Variants in PRKCA observed in about 807,000 individuals in gnomAD.
PRKCA encodes the protein protein kinase C alpha type.
Under a neutral mutation model 87.0 loss-of-function variants are expected in PRKCA, and 27 were observed. The ratio of observed to expected loss-of-function variants is 0.31; its 90% confidence interval spans 0.23 to 0.43. The LOEUF is 0.43. PRKCA is among the 20% of genes least tolerant of loss of function. PRKCA has a pLI of 1.00. For synonymous variants in PRKCA, 329 were observed against 311.1 expected, an observed-to-expected ratio of 1.06 and a Z score of -0.61; for missense variants, 518 against 852.3, an observed-to-expected ratio of 0.61 and a Z score of 4.88.
chr17:66,455,228 C>T (rs912942066), intron 2 of PRKCA, among the ~76,000 whole-genome samples: 2 of 152,124 alleles, frequency 1.3e-5, no homozygotes, highest in African/African-American at 4.8e-5. Flanking sequence ...AATACATGAC[C>T]GAATTTGGAG....
Position 66,803,844 on chromosome 17 carries a change from C to G in PRKCA, c.1855-29C>G, listed in dbSNP as rs547835081. On this transcript the variant is annotated intron_variant, in intron 16 of 16. Coordinates refer to ENST00000413366, the MANE Select transcript of PRKCA (RefSeq NM_002737.3). The surrounding 1 kb of genome is among the most constrained non-coding windows in gnomAD (Gnocchi z 4.4). ...CTCCCGCATTGTCATGTTGACTGAC[C>G]TTTCCTTCTTTTTGTCTTTTCTCCA... 1.2e-6 allele frequency: 2 copies of G among 1,609,460 alleles called. No homozygotes were observed. Among genetic ancestry groups the G allele is most frequent in the Admixed American group, 3.3e-5 (2 of 59,922 alleles).
chr17:66,777,984 G>A (rs545240084), intron 14 of PRKCA: 3 of 985,226 alleles, frequency 3.0e-6, no homozygotes, highest in African/African-American at 3.5e-5. Flanking sequence ...TTTGGGGGGT[G>A]CATTTTGAAG....
At chr17:66,704,124 A>G (rs954165456) in intron 8 of PRKCA, among the ~76,000 whole-genome samples, 3 of 151,758 alleles carry the variant, frequency 2.0e-5, no homozygotes, top group African/African-American at 7.3e-5. Flanking sequence ...GCCTGACTAT[A>G]AAACCTTTTT....
intron 16 of PRKCA, among the ~76,000 whole-genome samples, chr17:66,799,973 C>A (rs1049148124): frequency 6.6e-6 from 1 of 152,076 alleles, no homozygotes; most frequent in Non-Finnish European, 1.5e-5. Context: ...ATAAAAAGTT[C>A]TCCTGAGTCT....
chr17:66,361,869 C>G (rs1908410418), intron 2 of PRKCA, among the ~76,000 whole-genome samples: 1 of 152,150 alleles, frequency 6.6e-6, no homozygotes, highest in South Asian at 2.1e-4. Context: ...GGACTTGGCT[C>G]AGTTTCCACA....
At chr17:66,548,301 G>C (rs774031548) in intron 3 of PRKCA, among the ~76,000 whole-genome samples, 1 of 152,154 alleles carries the variant, frequency 6.6e-6, no homozygotes, top group African/African-American at 2.4e-5. Context: ...CTATGAGGGC[G>C]CCCCTCCTTG....
At chr17:66,720,348 T>C (rs1973584825) in intron 8 of PRKCA, among the ~76,000 whole-genome samples, 1 of 152,220 alleles carries the variant, frequency 6.6e-6, no homozygotes, top group African/African-American at 2.4e-5. Flanking sequence ...TTATTTACTC[T>C]AACTGTGCTA....
intron 8 of PRKCA, among the ~76,000 whole-genome samples, chr17:66,702,236 T>TA (rs1234442565): frequency 6.6e-6 from 1 of 152,104 alleles, no homozygotes. Flanking sequence ...GTATATATAA[T>TA]TGAGTCTTTA....
chr17:66,732,793 C>T lies in PRKCA; in HGVS notation c.1024C>T (p.Leu342Phe). The T allele has an allele frequency of 6.2e-7, 1 of 1,614,194 alleles. No homozygotes were observed. Reference protein sequence around the residue: ...DRVKLTDFNFLMVLGKGSFGK... With the variant: ...DRVKLTDFNFFMVLGKGSFGK... ...AGTGAAACTCACGGACTTCAATTTC[C>T]TCATGGTGTTGGGAAAGGGGAGTTT... Residue 342 changes from leucine to phenylalanine, a missense_variant, in exon 9 of 17, where the codon CTC becomes TTC. Coordinates refer to ENST00000413366, the MANE Select transcript of PRKCA (RefSeq NM_002737.3).
chr17:66,735,944 A>G (rs1974014414), intron 10 of PRKCA, among the ~76,000 whole-genome samples: 2 of 133,352 alleles, frequency 1.5e-5, no homozygotes, highest in African/African-American at 5.7e-5. Flanking sequence ...TTTTTGAGAC[A>G]GGATCTCACT....
chr17:66,404,680 C>T (rs1033200959), intron 2 of PRKCA, among the ~76,000 whole-genome samples: 2 of 150,016 alleles, frequency 1.3e-5, no homozygotes, highest in Non-Finnish European at 3.0e-5. Context: ...GAATCTTCTG[C>T]CTTGGCTCCT....
intron 2 of PRKCA, among the ~76,000 whole-genome samples, chr17:66,335,865 T>C (rs186222776): frequency 6.6e-6 from 1 of 152,302 alleles, no homozygotes; most frequent in East Asian, 1.9e-4. Flanking sequence ...GTGAGATTAC[T>C]GGGCTACATA....
At chr17:66,545,456 T>C (rs998591100) in intron 3 of PRKCA, among the ~76,000 whole-genome samples, 1 of 152,228 alleles carries the variant, frequency 6.6e-6, no homozygotes, top group Non-Finnish European at 1.5e-5. Flanking sequence ...ATCTACATAC[T>C]GTATGACTTT....
intron 2 of PRKCA, among the ~76,000 whole-genome samples, chr17:66,334,031 A>C (rs1392223193): frequency 6.6e-6 from 1 of 152,146 alleles, no homozygotes; most frequent in African/African-American, 2.4e-5. Context: ...TGGGTGGATC[A>C]CCTGAGATCA....
chr17:66,457,498 C>G (rs1298358378), intron 2 of PRKCA, among the ~76,000 whole-genome samples: 1 of 152,108 alleles, frequency 6.6e-6, no homozygotes, highest in Non-Finnish European at 1.5e-5. Flanking sequence ...TGTGAGCTCT[C>G]TGGAGAGGTT....
At chr17:66,536,909 G>A (rs955798676) in intron 3 of PRKCA, among the ~76,000 whole-genome samples, 2 of 152,178 alleles carry the variant, frequency 1.3e-5, no homozygotes, top group Non-Finnish European at 2.9e-5. Context: ...AGAGGTGAAC[G>A]ATGGGGGCTT....
chr17:66,698,644 G>C (rs1972986841), intron 8 of PRKCA, among the ~76,000 whole-genome samples: 3 of 152,008 alleles, frequency 2.0e-5, no homozygotes, highest in Admixed American at 2.0e-4. Flanking sequence ...GGAAATTCTA[G>C]AAGGGAAAAA....
At chr17:66,501,162 C>T (rs777416562) in intron 3 of PRKCA, among the ~76,000 whole-genome samples, 2 of 152,110 alleles carry the variant, frequency 1.3e-5, no homozygotes, top group Non-Finnish European at 1.5e-5. Context: ...AATAAAATAG[C>T]GGTACCCAGG....
At chr17:66,738,981 C>T (rs566724353) in intron 11 of PRKCA, 126 bp downstream of exon 11, 6 of 705,906 alleles carry the variant, frequency 8.5e-6, no homozygotes, top group African/African-American at 5.3e-5. Flanking sequence ...CTCCCAGGCT[C>T]GGGTGATTCT....
Sources: gnomAD v4.1 joint callset for allele counts (sites outside exome capture counted in the v4.1 genomes callset) on GRCh38, gnomAD v4.1.1 for gene constraint, Gnocchi (gnomAD v3.1) non-coding constraint, MANE v1.5 for transcripts, NCBI Gene and HGNC (gene_info 2026-07-23, HGNC 2026-07-21) for gene names.